Variants in ANKIB1 observed in about 807,000 individuals in gnomAD.
The protein encoded by ANKIB1 is ankyrin repeat and IBR domain-containing protein 1.
ANKIB1 carries 43 observed loss-of-function variants against 122.1 expected under a neutral mutation model. That is an observed-to-expected ratio of 0.35 (90% CI 0.28 to 0.45). ANKIB1 has a LOEUF of 0.45. ANKIB1 is among the 20% of genes least tolerant of loss of function. ANKIB1 has a pLI of 1.00. For missense variants in ANKIB1, 992 were observed against 1,329.5 expected, an observed-to-expected ratio of 0.75 and a Z score of 3.95; for synonymous variants, 390 against 442.0, an observed-to-expected ratio of 0.88 and a Z score of 1.48.
rs571254019 is a variant in ANKIB1, at chr7:92,400,121, T to C, written c.*1172T>C. On this transcript the variant is annotated 3_prime_UTR_variant, in exon 20 of 20. Coordinates refer to ENST00000265742, the MANE Select transcript of ANKIB1 (RefSeq NM_019004.2). ...ATGCTATGAATTGCAAAGACCTCCA[T>C]AAAACCACCCATGGCCTTGCTTTTA... 6.6e-6 allele frequency: 1 copy of C among 152,334 alleles called. No individual in the cohort carries two copies. Among genetic ancestry groups the C allele is most frequent in the African/African-American group, 2.4e-5 (1 of 41,572 alleles). The allele number at this position is 152,334 out of a possible 1,614,324, so 9.4% of individuals were successfully genotyped here. A position where few individuals can be genotyped will look rare whatever the true frequency, so the allele number is the denominator to read the frequency against.
intron 5 of ANKIB1, among the ~76,000 whole-genome samples, chr7:92,338,611 A>G (rs1393028087): frequency 6.6e-6 from 1 of 151,854 alleles, no homozygotes; most frequent in Non-Finnish European, 1.5e-5. Context: ...ATAGCTTTTT[A>G]AAAATATCTA....
intron 4 of ANKIB1, among the ~76,000 whole-genome samples, chr7:92,324,343 C>T (rs965931149): frequency 1.1e-4 from 16 of 152,202 alleles, no homozygotes; most frequent in Non-Finnish European, 2.2e-4. Context: ...AAGCCATTCT[C>T]CTGCCTGAGC....
chr7:92,250,473 CAT>C (rs1345364123), intron 1 of ANKIB1, among the ~76,000 whole-genome samples: 2 of 152,208 alleles, frequency 1.3e-5, no homozygotes, highest in African/African-American at 4.8e-5. Flanking sequence ...TTTGAAAAGA[CAT>C]AATTCTAAAG....
At chr7:92,360,182 T>G (rs1175738778) in intron 9 of ANKIB1, among the ~76,000 whole-genome samples, 1 of 152,104 alleles carries the variant, frequency 6.6e-6, no homozygotes, top group Non-Finnish European at 1.5e-5. Context: ...CAGAACTTTT[T>G]CATTATCCCA....
rs768909638 is a variant in ANKIB1 at position 92,343,172 on chromosome 7, C to G, written c.936C>G (p.Arg312=). ...CTCCAAGAACTCCAAGGACTACACG[C>G]TCTTCTGTCACCTCCCCAGATGAAA... The part of the protein sequence containing the change: ...LPSPRTPRTT[R]SSVTSPDEIS... Residue 312 remains arginine (R), a synonymous_variant, in exon 6 of 20, where the codon CGC becomes CGG. Coordinates refer to ENST00000265742, the MANE Select transcript of ANKIB1 (RefSeq NM_019004.2). 1 of 1,613,860 alleles carries G rather than the reference C, an allele frequency of 6.2e-7. No individual in the cohort carries two copies. Among genetic ancestry groups the G allele is most frequent in the African/African-American group, 1.3e-5 (1 of 74,928 alleles).
chr7:92,255,446 G>A (rs1458556579), intron 1 of ANKIB1, among the ~76,000 whole-genome samples: 1 of 152,168 alleles, frequency 6.6e-6, no homozygotes, highest in Admixed American at 6.5e-5. Context: ...AGGCTCATTT[G>A]TCTTTCTGTT....
intron 7 of ANKIB1, among the ~76,000 whole-genome samples, chr7:92,350,386 TAG>T (rs1439174059): frequency 5.3e-5 from 8 of 152,172 alleles, no homozygotes; most frequent in Non-Finnish European, 8.8e-5. Flanking sequence ...TTCAGATTTT[TAG>T]AGAGGGTAAA....
chr7:92,344,254 G>A (rs1364426839), intron 6 of ANKIB1, among the ~76,000 whole-genome samples: 1 of 141,018 alleles, frequency 7.1e-6, no homozygotes, highest in African/African-American at 2.7e-5. Context: ...GCCGAGGCTG[G>A]AGTGTAATGG....
At chr7:92,382,250 A>T (rs549486567) in intron 11 of ANKIB1, among the ~76,000 whole-genome samples, 29 of 152,336 alleles carry the variant, frequency 1.9e-4, no homozygotes, top group African/African-American at 6.7e-4. Context: ...AAGTCCTGAG[A>T]GACCTAAAAA....
chr7:92,313,512 T>C (rs1304986381), intron 3 of ANKIB1, among the ~76,000 whole-genome samples: 3 of 152,198 alleles, frequency 2.0e-5, no homozygotes, highest in Non-Finnish European at 4.4e-5. Context: ...ATGATCTCAT[T>C]ATTGTCCCTC....
chr7:92,263,308 C>T (rs1306166010), intron 1 of ANKIB1, among the ~76,000 whole-genome samples: 1 of 152,162 alleles, frequency 6.6e-6, no homozygotes, highest in African/African-American at 2.4e-5. Flanking sequence ...CATTGGTTAA[C>T]ATTTTGTCCT....
chr7:92,273,103 G>GT (rs1416201805), intron 1 of ANKIB1, among the ~76,000 whole-genome samples: 2 of 152,174 alleles, frequency 1.3e-5, no homozygotes, highest in East Asian at 3.9e-4. Context: ...GGTGGCCCCC[G>GT]TAAGTGCAAA....
rs368230672 is a variant in ANKIB1 at position 92,337,802 on chromosome 7, A to G, written c.788-5222A>G. ...TGTTGTAATTACATAATATAATGGA[A>G]TGGTACTGATAAAATATGAGTAAAT... is the stretch of plus-strand genomic sequence containing the variant. On this transcript the variant is annotated intron_variant, in intron 5 of 19. Coordinates refer to ENST00000265742, the MANE Select transcript of ANKIB1 (RefSeq NM_019004.2). 2.6e-5 allele frequency among the ~76,000 whole-genome samples: 4 copies of G among 152,326 alleles called. 1 individual carries two copies.
intron 17 of ANKIB1, chr7:92,396,010 A>C (rs1003137219): frequency 9.1e-6 from 2 of 220,000 alleles, no homozygotes; most frequent in Non-Finnish European, 1.8e-5. Context: ...AAAATAAAAA[A>C]CCTCCCTTCA....
At chr7:92,311,528 A>G (rs1164942466) in intron 3 of ANKIB1, among the ~76,000 whole-genome samples, 7 of 152,092 alleles carry the variant, frequency 4.6e-5, no homozygotes, top group Non-Finnish European at 1.0e-4. Flanking sequence ...CTGTGGAAGT[A>G]TATCTTCTCT....
At chr7:92,376,325 T>G (rs1046594196) in intron 11 of ANKIB1, among the ~76,000 whole-genome samples, 3 of 152,228 alleles carry the variant, frequency 2.0e-5, no homozygotes, top group Non-Finnish European at 2.9e-5. Context: ...CAGTTTCATC[T>G]ACATTGGAAA....
chr7:92,327,375 C>T (rs1803050531), intron 4 of ANKIB1, among the ~76,000 whole-genome samples: 1 of 152,166 alleles, frequency 6.6e-6, no homozygotes. Flanking sequence ...ACAGTCATCC[C>T]TCAGTATCCT....
At chr7:92,293,720 A>G (rs1179518220) in intron 1 of ANKIB1, among the ~76,000 whole-genome samples, 2 of 152,026 alleles carry the variant, frequency 1.3e-5, no homozygotes, top group Non-Finnish European at 2.9e-5. Flanking sequence ...GTCCCAACCT[A>G]TTTTTTCTTT....
At chr7:92,280,109 C>T (rs1484023330) in intron 1 of ANKIB1, among the ~76,000 whole-genome samples, 1 of 152,182 alleles carries the variant, frequency 6.6e-6, no homozygotes, top group East Asian at 1.9e-4. Context: ...TCACCAGTAG[C>T]AGAAAGCAAG....
Sources: gnomAD v4.1 joint callset for allele counts (sites outside exome capture counted in the v4.1 genomes callset) on GRCh38, gnomAD v4.1.1 for gene constraint, MANE v1.5 for transcripts, NCBI Gene and HGNC (gene_info 2026-07-23, HGNC 2026-07-21) for gene names.